The following ASPRV1 variants were observed in gnomAD, a reference collection of about 807,000 sequenced individuals.
The protein encoded by ASPRV1 is retroviral-like aspartic protease 1.
A neutral mutation model predicts 11.0 loss-of-function variants in ASPRV1; 7 were observed. The ratio of observed to expected loss-of-function variants is 0.64; its 90% CI spans 0.36 to 1.20. The LOEUF is 1.20. ASPRV1 is among the 50% of genes most tolerant of loss of function. The pLI is 0.02. For missense variants in ASPRV1, 299 were observed against 320.0 expected, an observed-to-expected ratio of 0.93 and a Z score of 0.50; for synonymous variants, 136 against 138.4, an observed-to-expected ratio of 0.98 and a Z score of 0.12.
the ASPRV1 span, among the ~76,000 whole-genome samples, chr2:70,021,054 T>G: frequency 6.6e-6 from 1 of 152,190 alleles, no homozygotes; most frequent in African/African-American, 2.4e-5. Context: ...GTATGTCCAC[T>G]GAAGAATGCT....
At chr2:70,004,631 T>C in the ASPRV1 span, among the ~76,000 whole-genome samples, 256 of 151,904 alleles carry the variant, frequency 1.7e-3, no homozygotes, top group African/African-American at 5.3e-3. Flanking sequence ...GGTAAGAAGA[T>C]AGACTACCTG....
the ASPRV1 span, chr2:70,019,147 A>G: frequency 3.3e-5 from 5 of 152,346 alleles, no homozygotes; most frequent in African/African-American, 1.2e-4. Flanking sequence ...CAAATGGCCA[A>G]CAGGAATCTG....
At chr2:69,999,959 G>A in the ASPRV1 span, among the ~76,000 whole-genome samples, 131 of 152,078 alleles carry the variant, frequency 8.6e-4, 1 homozygote, top group African/African-American at 2.9e-3. Flanking sequence ...AGTTGGCCCC[G>A]CTCGCCTCCT....
chr2:69,999,273 G>A, the ASPRV1 span, among the ~76,000 whole-genome samples: 158 of 151,598 alleles, frequency 1.0e-3, 3 homozygotes, highest in South Asian at 0.016. Context: ...TGCCCAGCTA[G>A]ATTAAGATTC....
chr2:69,997,690 G>A, the ASPRV1 span, among the ~76,000 whole-genome samples: 5 of 152,280 alleles, frequency 3.3e-5, no homozygotes, highest in African/African-American at 7.2e-5. Flanking sequence ...CCTCCAGCCC[G>A]ATGGCACTGA....
the ASPRV1 span, among the ~76,000 whole-genome samples, chr2:70,010,587 A>G: frequency 2.6e-4 from 39 of 152,344 alleles, no homozygotes; most frequent in Middle Eastern, 3.4e-3. Flanking sequence ...TCCTGCAGGC[A>G]GTGGTGAAGC....
chr2:70,028,103 T>C, the ASPRV1 span, among the ~76,000 whole-genome samples: 1 of 152,136 alleles, frequency 6.6e-6, no homozygotes, highest in Non-Finnish European at 1.5e-5. Context: ...AAACCCATAA[T>C]TAGAACTCTC....
the ASPRV1 span, among the ~76,000 whole-genome samples, chr2:69,985,120 T>C: frequency 1.3e-5 from 2 of 152,244 alleles, no homozygotes; most frequent in Admixed American, 6.5e-5. Context: ...CCTCCCGAAG[T>C]GCTGGGATTA....
chr2:69,950,986 A>G, the ASPRV1 span, among the ~76,000 whole-genome samples: 1 of 152,100 alleles, frequency 6.6e-6, no homozygotes, highest in South Asian at 2.1e-4. Flanking sequence ...GAAAGAAAGA[A>G]AAGGCAAGAA....
At chr2:70,064,670 T>G in the ASPRV1 span, among the ~76,000 whole-genome samples, 1 of 152,298 alleles carries the variant, frequency 6.6e-6, no homozygotes, top group African/African-American at 2.4e-5. Context: ...AGGTGACTGA[T>G]GCAGATGATG....
chr2:69,960,944 CA>C lies in ASPRV1; in HGVS notation c.492del (p.Ala165LeufsTer3). The stretch of plus-strand genomic sequence containing the variant: ...CAGACACCCAGGATCTTCATTTCAG[CA>C]CCATTGGCCACCTTTACCACATTCT... ...PFENVVKVAN[G>X]AEMKILGVWD... On this transcript the variant is annotated frameshift_variant, in exon 1 of 1. Coordinates refer to ENST00000320256, the MANE Select transcript of ASPRV1 (RefSeq NM_152792.4). LOFTEE classifies it high-confidence loss of function. 6.2e-7 allele frequency: 1 copy of C among 1,614,118 alleles called. No individual in the cohort carries two copies.
chr2:69,968,911 G>T, the ASPRV1 span, among the ~76,000 whole-genome samples: 1 of 152,154 alleles, frequency 6.6e-6, no homozygotes, highest in Admixed American at 6.5e-5. Context: ...GCACCCTCCC[G>T]CCTCGTGTCA....
chr2:70,039,928 G>C, the ASPRV1 span, among the ~76,000 whole-genome samples: 3 of 152,178 alleles, frequency 2.0e-5, no homozygotes, highest in Non-Finnish European at 4.4e-5. Context: ...AACAAATGAC[G>C]CCAGACAGTG....
the ASPRV1 span, among the ~76,000 whole-genome samples, chr2:70,029,235 A>C: frequency 6.6e-6 from 1 of 152,216 alleles, no homozygotes; most frequent in East Asian, 1.9e-4. Flanking sequence ...ACTTTGGCCA[A>C]GGGACTGACA....
At chr2:69,933,200 C>CAAAAAAAAAAAAAAAAAAAAAAAAAAAAA in the ASPRV1 span, among the ~76,000 whole-genome samples, 1 of 80,144 alleles carries the variant, frequency 1.2e-5, no homozygotes, top group Non-Finnish European at 2.5e-5. Context: ...AACTCTGTCT[C>CAAAAAAAAAAAAAAAAAAAAAAAAAAAAA]AAAAAAAAAA....
the ASPRV1 span, among the ~76,000 whole-genome samples, chr2:69,984,328 C>T: frequency 3.8e-4 from 58 of 152,230 alleles, no homozygotes; most frequent in Admixed American, 6.5e-4. Flanking sequence ...TGTGAGCCAC[C>T]GCACCCAGCC....
chr2:69,996,214 CAAAA>C, the ASPRV1 span, among the ~76,000 whole-genome samples: 6 of 53,890 alleles, frequency 1.1e-4, no homozygotes, highest in African/African-American at 1.6e-4. Flanking sequence ...CCCCATCTCT[CAAAA>C]AAAAAAAAAA....
the ASPRV1 span, among the ~76,000 whole-genome samples, chr2:70,082,785 T>A: frequency 1.3e-5 from 2 of 152,064 alleles, no homozygotes; most frequent in African/African-American, 4.8e-5. Context: ...TCCCAGTTAC[T>A]GAGGAGGCTG....
At chr2:70,014,482 T>G in the ASPRV1 span, 1 of 152,134 alleles carries the variant, frequency 6.6e-6, no homozygotes, top group Non-Finnish European at 1.5e-5. Flanking sequence ...CTTAAAAATT[T>G]CTGTGCAACA....
Sources: allele counts gnomAD v4.1 joint callset (sites outside exome capture counted in the v4.1 genomes callset), GRCh38; gene constraint gnomAD v4.1.1; transcripts MANE v1.5; gene names NCBI Gene and HGNC (gene_info 2026-07-23, HGNC 2026-07-21).